AGL: variants seen among roughly 807,000 people sequenced by gnomAD.
AGL encodes the protein amylo-alpha-1,6-glucosidase and 4-alpha-glucanotransferase, also known as glycogen debranching enzyme.
A neutral mutation model predicts 199.3 loss-of-function variants in AGL; 128 were observed. The observed-to-expected ratio is 0.64, with a 90% CI of 0.56 to 0.74. AGL has a LOEUF of 0.74. AGL is among the 30% of genes least tolerant of loss of function. The pLI, the probability that AGL is intolerant of heterozygous loss-of-function variation, is 0.00. For synonymous variants in AGL, 584 were observed against 594.7 expected, an observed-to-expected ratio of 0.98 and a Z score of 0.26; for missense variants, 1,809 against 1,820.8, an observed-to-expected ratio of 0.99 and a Z score of 0.12.
At position 99,916,514 on chromosome 1, in the gene AGL, T is replaced by A; in HGVS notation, c.4347+17T>A. 6.2e-7 allele frequency: 1 copy of A among 1,606,638 alleles called. No individual in the cohort carries two copies. The highest frequency in any genetic ancestry group is 8.5e-7 in the Non-Finnish European group (1 of 1,174,138). On this transcript the variant is annotated intron_variant, in intron 32 of 33. Coordinates refer to ENST00000361915, the MANE Select transcript of AGL (RefSeq NM_000642.3). Reference sequence around the variant, plus strand: ...CAAGGACCTGTAAGAATTTCATTTATCTTCTGAGTTTCAGTTTAAATTATT... The same window carrying A: ...CAAGGACCTGTAAGAATTTCATTTAACTTCTGAGTTTCAGTTTAAATTATT...
Position 99,900,717 on chromosome 1 carries a change from C to A in AGL, c.3444C>A (p.Tyr1148Ter), listed in dbSNP as rs776977863. Residue 1148 changes from tyrosine to a stop codon, truncating the protein, a stop_gained, in exon 26 of 34, where the codon TAC (tyrosine) becomes TAA (stop). Coordinates refer to ENST00000361915, the MANE Select transcript of AGL (RefSeq NM_000642.3). LOFTEE classifies it high-confidence loss of function. Reference protein sequence around the residue: ...NLLGEGIYARYNCRDAVWWWL... With the variant: ...NLLGEGIYAR The stretch of plus-strand genomic sequence containing the variant: ...TGGGTGAAGGAATTTATGCCAGATA[C>A]AATTGTCGGGATGCTGTGTGGTGGT... 3.7e-6 allele frequency: 6 copies of A among 1,613,998 alleles called. No homozygotes were observed. Among genetic ancestry groups the A allele is most frequent in the Non-Finnish European group, 5.1e-6 (6 of 1,179,998 alleles).
At chr1:99,880,397 CCCA>C (rs1447658805) in intron 13 of AGL, among the ~76,000 whole-genome samples, 1 of 152,140 alleles carries the variant, frequency 6.6e-6, no homozygotes, top group Non-Finnish European at 1.5e-5. Context: ...TAGCTTACAT[CCCA>C]GTAAACAACA....
chr1:99,872,704 T>G (rs1056617596), intron 7 of AGL, among the ~76,000 whole-genome samples: 7 of 152,170 alleles, frequency 4.6e-5, no homozygotes, highest in African/African-American at 1.4e-4. Flanking sequence ...AATTTTTGTA[T>G]TTTTAGTAGA....
chr1:99,908,171 A>C (rs1046740345), intron 27 of AGL, among the ~76,000 whole-genome samples: 2 of 151,088 alleles, frequency 1.3e-5, no homozygotes, highest in Non-Finnish European at 2.9e-5. Context: ...TTTGATCCAT[A>C]TTGAGTTAAT....
intron 27 of AGL, among the ~76,000 whole-genome samples, chr1:99,907,265 TATC>T (rs1654358097): frequency 6.6e-6 from 1 of 152,216 alleles, no homozygotes; most frequent in African/African-American, 2.4e-5. Flanking sequence ...ATTAACCCCT[TATC>T]ATACATATGA....
At chr1:99,915,851 A>G (rs1014457341) in intron 31 of AGL, among the ~76,000 whole-genome samples, 6 of 152,112 alleles carry the variant, frequency 3.9e-5, no homozygotes, top group African/African-American at 1.4e-4. Flanking sequence ...CCAAAAAAAG[A>G]AAAGTAACAA....
intron 29 of AGL, 64 bp downstream of exon 29, chr1:99,912,581 AATC>A (rs760410870): frequency 8.5e-7 from 1 of 1,182,596 alleles, no homozygotes; most frequent in Non-Finnish European, 1.3e-6. Context: ...CAACCTATGT[AATC>A]ATCATTTGAT....
At chr1:99,889,130 GATTAATGA>G (rs1652683219) in intron 21 of AGL, among the ~76,000 whole-genome samples, 2 of 152,116 alleles carry the variant, frequency 1.3e-5, no homozygotes, top group African/African-American at 4.8e-5. Context: ...TTATGGTTAG[GATTAATGA>G]ATTAATACAT....
chr1:99,886,530 T>C (rs1652467730), intron 20 of AGL, among the ~76,000 whole-genome samples: 1 of 152,158 alleles, frequency 6.6e-6, no homozygotes, highest in Non-Finnish European at 1.5e-5. Context: ...TAGACATAAT[T>C]ATAGCACCTT....
At chr1:99,856,326 TCCTCCCTCCCTC>T (rs1335103886) in intron 2 of AGL, among the ~76,000 whole-genome samples, 4 of 48,878 alleles carry the variant, frequency 8.2e-5, no homozygotes, top group South Asian at 7.0e-4. Flanking sequence ...CTCCCTTCCT[TCCTCCCTCCCTC>T]CCTCCCTCCC....
chr1:99,865,167 A>G (rs1432652874), intron 5 of AGL, among the ~76,000 whole-genome samples: 1 of 149,426 alleles, frequency 6.7e-6, no homozygotes, highest in East Asian at 1.9e-4. Context: ...AAATATCAAA[A>G]TATATATATA....
chr1:99,902,724 A>G lies in AGL; in HGVS notation c.3630A>G (p.Lys1210=), dbSNP rs1449854616. The G allele has an allele frequency of 6.2e-7, 1 of 1,613,536 alleles. No individual in the cohort carries two copies. Among genetic ancestry groups the G allele is most frequent in the Non-Finnish European group, 8.5e-7 (1 of 1,179,646 alleles). The change falls in exon 27 of 34, where the codon AAA becomes AAG. Residue 1210 remains lysine (K), a synonymous_variant. Transcript: ENST00000361915. ...AAGTCATACAGGAAGCAATGCAAAA[A>G]CACATGCAGGGCATACAGTTCCGAG... ...LFEVIQEAMQ[K]HMQGIQFRER... is the part of the protein sequence containing the mutation.
At chr1:99,862,538 T>A in intron 4 of AGL, 115 bp downstream of exon 4, 2 of 1,087,920 alleles carry the variant, frequency 1.8e-6, no homozygotes, top group Non-Finnish European at 2.7e-6. Context: ...AGTAAAGAAC[T>A]ACCTGAGACT....
At chr1:99,897,298 G>C (rs184227614) in intron 25 of AGL, among the ~76,000 whole-genome samples, 34 of 152,256 alleles carry the variant, frequency 2.2e-4, no homozygotes, top group African/African-American at 8.2e-4. Flanking sequence ...TCCAAACCTG[G>C]ACATAGAGAG....
chr1:99,896,404 AAGTGTTGTACTGCG>A lies in AGL; in HGVS notation c.3362+20_3362+33del. 6.3e-7 allele frequency: 1 copy of A among 1,578,776 alleles called. No individual in the cohort carries two copies. The highest frequency in any genetic ancestry group is 8.7e-7 in the Non-Finnish European group (1 of 1,147,882). The stretch of plus-strand genomic sequence containing the variant: ...TAGAAGCCAGGTAGGAGAGCCTCTA[AAGTGTTGTACTGCG>A]AGTTTATGTCTGAATGTCTTTTACA... On this transcript the variant is annotated intron_variant, in intron 25 of 33. Transcript: ENST00000361915.
chr1:99,886,648 T>G (rs1652477337), intron 20 of AGL, among the ~76,000 whole-genome samples: 1 of 152,188 alleles, frequency 6.6e-6, no homozygotes, highest in Non-Finnish European at 1.5e-5. Flanking sequence ...AAAAATAACA[T>G]CTCATGTAAT....
intron 26 of AGL, 71 bp from the exon 27 acceptor site, chr1:99,902,612 T>G (rs1454179862): frequency 8.4e-7 from 1 of 1,192,484 alleles, no homozygotes; most frequent in Non-Finnish European, 1.3e-6. Context: ...ATTACTTCAG[T>G]TGTCGGATTT....
At chr1:99,915,553 A>ATTTTTTT (rs11438303) in intron 31 of AGL, 67 bp downstream of exon 31, 1 of 962,904 alleles carries the variant, frequency 1.0e-6, no homozygotes, top group Non-Finnish European at 1.5e-6. Context: ...ATCAACCATA[A>ATTTTTTT]TTTTTTTTTT....
In AGL at chr1:99,890,646, A is replaced by T. The variant is rs1228171112; in HGVS notation, c.2813-574A>T. 2.7e-5 allele frequency among the ~76,000 whole-genome samples: 3 copies of T among 112,158 alleles called. No homozygotes were observed. In the South Asian group the frequency reaches 9.0e-4, roughly 34 times the overall value. 73.6% of individuals were successfully genotyped at this position (112,158 alleles called of 152,430 possible). ...TTGAAGACTAGAAGGATTAAGAAAA[A>T]AAAAATATATATATATATACCTCAT... On this transcript the variant is annotated intron_variant, in intron 21 of 33. Transcript: ENST00000361915.
Sources: allele counts gnomAD v4.1 joint callset (sites outside exome capture counted in the v4.1 genomes callset), GRCh38; gene constraint gnomAD v4.1.1; transcripts MANE v1.5; gene names NCBI Gene and HGNC (gene_info 2026-07-23, HGNC 2026-07-21).